GLIS3: variants seen among roughly 807,000 people sequenced by gnomAD.
GLIS3 encodes the protein GLIS family zinc finger 3.
GLIS3 carries 53 observed loss-of-function variants against 78.6 expected under a neutral mutation model. The ratio of observed to expected loss-of-function variants is 0.67; its 90% CI spans 0.54 to 0.85. GLIS3 has a LOEUF of 0.85. GLIS3 is among the 40% of genes least tolerant of loss of function. The pLI, the probability that GLIS3 is intolerant of heterozygous loss-of-function variation, is 0.00. For missense variants in GLIS3, 1,703 were observed against 1,231.1 expected (o/e 1.38, Z -5.74); for synonymous variants, 684 against 509.9 (o/e 1.34, Z -4.60).
intron 2 of GLIS3, among the ~76,000 whole-genome samples, chr9:4,334,895 C>A (rs1013042168): frequency 2.2e-4 from 32 of 142,880 alleles, no homozygotes; most frequent in East Asian, 4.3e-4. Flanking sequence ...GAAGAGAAAT[C>A]ATTTCCACCT....
At chr9:3,917,938 T>G (rs1563847989) in intron 6 of GLIS3, among the ~76,000 whole-genome samples, 1 of 152,172 alleles carries the variant, frequency 6.6e-6, no homozygotes, top group Non-Finnish European at 1.5e-5. Flanking sequence ...AAAGAATGAT[T>G]GTATTGGCGG....
At position 4,058,825 on chromosome 9, in the gene GLIS3, CA is replaced by C. The variant is rs538899721; in HGVS notation, c.1710+58942del. Among the ~76,000 whole-genome samples the C allele has an allele frequency of 1.9e-4, 29 of 151,826 alleles. No individual in the cohort carries two copies. In the South Asian group the frequency reaches 2.7e-3, roughly 14 times the overall value. ...GAAACCCCATCTCTACTAAAAAATA[CA>C]AAAAAATTAGCCGGGTTTGGTGGCA... On this transcript the variant is annotated intron_variant, in intron 4 of 10. Transcript: ENST00000381971.
chr9:3,922,546 G>C (rs1194019849), intron 6 of GLIS3, among the ~76,000 whole-genome samples: 100 of 152,066 alleles, frequency 6.6e-4, no homozygotes, highest in Non-Finnish European at 1.2e-4. Context: ...CTACTACCTG[G>C]CTTATTTATA....
intron 9 of GLIS3, 36 bp from the exon 10 acceptor site, chr9:3,829,528 T>C (rs766575920): frequency 5.6e-6 from 9 of 1,611,750 alleles, no homozygotes; most frequent in East Asian, 4.5e-5. Context: ...ACAAGTTCCT[T>C]TGGGCACAAG....
In GLIS3 at chr9:4,162,760, G is replaced by C. The variant is rs180769943; in HGVS notation, c.389-36819C>G. On this transcript the variant is annotated intron_variant, in intron 2 of 10. Coordinates refer to ENST00000381971, the MANE Select transcript of GLIS3 (RefSeq NM_001042413.2). ...TAATCCCAGCTAGTCAGGAGGCTGA[G>C]GCAGAAGAATGGCCTGAACTCTGGA... Among the ~76,000 whole-genome samples the C allele has an allele frequency of 2.0e-5, 3 of 151,140 alleles. 1 individual carries two copies. In the East Asian group the frequency reaches 5.9e-4, roughly 29 times the overall value.
chr9:4,204,824 G>T (rs1179037020), intron 2 of GLIS3, among the ~76,000 whole-genome samples: 1 of 151,976 alleles, frequency 6.6e-6, no homozygotes, highest in African/African-American at 2.4e-5. Flanking sequence ...TGAGGCAGAA[G>T]AATTGCTTGA....
chr9:4,047,945 C>T (rs1825389836), intron 4 of GLIS3, among the ~76,000 whole-genome samples: 2 of 152,156 alleles, frequency 1.3e-5, no homozygotes, highest in Admixed American at 6.5e-5. Flanking sequence ...AGCTGGTAGG[C>T]CTAAGGAGGT....
Position 4,140,290 on chromosome 9 carries a change from C to T in GLIS3, c.389-14349G>A, listed in dbSNP as rs958906640. On this transcript the variant is annotated intron_variant, in intron 2 of 10. Transcript: ENST00000381971. Reference sequence around the variant, plus strand: ...AGTGAGCCAGGATGGCACCACGGCACTCCAGCCTGGGTGACAAAGTGAGAC... The same window carrying T: ...AGTGAGCCAGGATGGCACCACGGCATTCCAGCCTGGGTGACAAAGTGAGAC... Among the ~76,000 whole-genome samples, 74 of 152,276 alleles carry T rather than the reference C, an allele frequency of 4.9e-4. 1 individual carries two copies. Among genetic ancestry groups the T allele is most frequent in the African/African-American group, 1.7e-3 (72 of 41,562 alleles).
At chr9:4,198,397 G>C (rs2064981) in intron 2 of GLIS3, among the ~76,000 whole-genome samples, 33,132 of 151,936 alleles carry the variant, frequency 0.22, 3,801 homozygotes, top group African/African-American at 0.28. Context: ...ACTCACTTAA[G>C]GAATTACAAA....
chr9:4,376,556 C>T, the GLIS3 span, among the ~76,000 whole-genome samples: 1 of 134,698 alleles, frequency 7.4e-6, no homozygotes, highest in East Asian at 2.2e-4. Context: ...TTTTGTAAGT[C>T]ATTAGCAAGT....
At chr9:4,101,838 C>T (rs544013180) in intron 4 of GLIS3, among the ~76,000 whole-genome samples, 2 of 152,242 alleles carry the variant, frequency 1.3e-5, no homozygotes, top group East Asian at 3.9e-4. Context: ...TGCCATCTTG[C>T]ACCAAAAGTG....
chr9:4,401,388 T>C, the GLIS3 span, among the ~76,000 whole-genome samples: 1 of 149,930 alleles, frequency 6.7e-6, no homozygotes, highest in South Asian at 2.1e-4. Flanking sequence ...GCCTCCCGAT[T>C]AGCTGGGGTT....
the GLIS3 span, among the ~76,000 whole-genome samples, chr9:4,409,717 G>C: frequency 6.6e-6 from 1 of 152,020 alleles, no homozygotes; most frequent in South Asian, 2.1e-4. Context: ...GAAGAAGCAA[G>C]GAACAAATGA....
At chr9:4,073,206 T>A (rs1827764372) in intron 4 of GLIS3, among the ~76,000 whole-genome samples, 1 of 152,122 alleles carries the variant, frequency 6.6e-6, no homozygotes, top group African/African-American at 2.4e-5. Flanking sequence ...CCTGCCACAA[T>A]CTACAAGCAT....
chr9:4,101,445 T>C (rs912742837), intron 4 of GLIS3, among the ~76,000 whole-genome samples: 1 of 152,236 alleles, frequency 6.6e-6, no homozygotes, highest in Admixed American at 6.5e-5. Flanking sequence ...TATTATTCTG[T>C]ATAAACCATA....
At chr9:4,273,426 C>G (rs1826697923) in intron 2 of GLIS3, among the ~76,000 whole-genome samples, 1 of 151,968 alleles carries the variant, frequency 6.6e-6, no homozygotes, top group Non-Finnish European at 1.5e-5. Context: ...GAGACCCCAT[C>G]TCCACAGAAA....
intron 7 of GLIS3, among the ~76,000 whole-genome samples, chr9:3,888,447 C>G (rs1563815080): frequency 6.6e-6 from 1 of 152,208 alleles, no homozygotes; most frequent in Non-Finnish European, 1.5e-5. Context: ...GACAGCCAAT[C>G]TGATTTTTAA....
the GLIS3 span, among the ~76,000 whole-genome samples, chr9:4,398,747 G>A: frequency 6.6e-6 from 1 of 152,250 alleles, no homozygotes; most frequent in Admixed American, 6.5e-5. Flanking sequence ...GAGTCCAGTG[G>A]CACGATCTTG....
At chr9:3,924,850 C>T (rs1312692069) in intron 6 of GLIS3, among the ~76,000 whole-genome samples, 2 of 152,136 alleles carry the variant, frequency 1.3e-5, no homozygotes, top group Middle Eastern at 3.2e-3. Flanking sequence ...TGATTTTCAT[C>T]AAGAATGCAC....
Sources: gnomAD v4.1 joint callset for allele counts (sites outside exome capture counted in the v4.1 genomes callset) on GRCh38, gnomAD v4.1.1 for gene constraint, MANE v1.5 for transcripts, NCBI Gene and HGNC (gene_info 2026-07-23, HGNC 2026-07-21) for gene names.